PCYT2: variants seen among roughly 807,000 people sequenced by gnomAD.
PCYT2 encodes the protein ethanolamine-phosphate cytidylyltransferase.
PCYT2 carries 33 observed loss-of-function variants against 50.0 expected under a neutral mutation model. The ratio of observed to expected loss-of-function variants is 0.66; its 90% CI spans 0.50 to 0.88. PCYT2 has a LOEUF of 0.88. Among genes scored for constraint, PCYT2 ranks in the 40% least tolerant of loss-of-function variants. PCYT2 has a pLI of 0.00. For missense variants in PCYT2, 430 were observed against 519.7 expected, an observed-to-expected ratio of 0.83 and a Z score of 1.68; for synonymous variants, 240 against 203.7, an observed-to-expected ratio of 1.18 and a Z score of -1.52.
chr17:81,905,256 T>C, intron 11 of PCYT2, 102 bp from the exon 12 acceptor site: 3 of 1,319,260 alleles, frequency 2.3e-6, no homozygotes, highest in Non-Finnish European at 3.2e-6. Flanking sequence ...CAGGGTCCCA[T>C]GGGAGTGGTG....
chr17:81,909,844 T>G (rs1266023686), intron 1 of PCYT2, among the ~76,000 whole-genome samples: 1 of 152,138 alleles, frequency 6.6e-6, no homozygotes, highest in Non-Finnish European at 1.5e-5. Flanking sequence ...GGGGCAGAGA[T>G]GTCAAGGCCT....
chr17:81,904,738 G>A lies in PCYT2; in HGVS notation c.*95C>T. The A allele has an allele frequency of 1.3e-6, 1 of 791,268 alleles. No homozygotes were observed. Among genetic ancestry groups the A allele is most frequent in the Non-Finnish European group, 2.0e-6 (1 of 503,100 alleles). The allele number at this position is 791,268 out of a possible 1,614,324, so 49.0% of individuals were successfully genotyped here. A position where few individuals can be genotyped will look rare whatever the true frequency, so the allele number is the denominator to read the frequency against. On this transcript the variant is annotated 3_prime_UTR_variant, in exon 13 of 13. Coordinates refer to ENST00000538936, the MANE Select transcript of PCYT2 (RefSeq NM_002861.5). ...TCCTCACCAGCCCTTCCAGAGCCAG[G>A]CCAGTTAGAGAGGGCGGCCCTGCAG...
intron 3 of PCYT2, 106 bp downstream of exon 3, chr17:81,908,770 G>T: frequency 2.2e-6 from 3 of 1,354,104 alleles, no homozygotes; most frequent in Non-Finnish European, 3.1e-6. Context: ...AAATGTCTCA[G>T]ATCCTCAAAG....
Position 81,902,362 on chromosome 17 carries a change from G to A in PCYT2, c.*2471C>T. The A allele has an allele frequency of 3.7e-6, 5 of 1,347,120 alleles. No individual in the cohort carries two copies. Among genetic ancestry groups the A allele is most frequent in the Non-Finnish European group, 4.7e-6 (5 of 1,059,400 alleles). 83.4% of individuals were successfully genotyped at this position (1,347,120 alleles called of 1,614,324 possible). A position where few individuals can be genotyped will look rare whatever the true frequency, so the allele number is the denominator to read the frequency against. On this transcript the variant is annotated 3_prime_UTR_variant, in exon 13 of 13. Transcript: ENST00000538936. Reference sequence around the variant, plus strand: ...GCCTGGCCTCGCGTGGTACAAGCCAGCGGCGGGGCACAGCTCCTACTCGGT... The same window carrying A: ...GCCTGGCCTCGCGTGGTACAAGCCAACGGCGGGGCACAGCTCCTACTCGGT...
rs752108362 is a variant in PCYT2 at position 81,902,777 on chromosome 17, G to T, written c.*2056C>A. 1 of 1,575,312 alleles carries T rather than the reference G, an allele frequency of 6.3e-7. No individual in the cohort carries two copies. The highest frequency in any genetic ancestry group is 8.6e-7 in the Non-Finnish European group (1 of 1,164,028). On this transcript the variant is annotated 3_prime_UTR_variant, in exon 13 of 13. Coordinates refer to ENST00000538936, the MANE Select transcript of PCYT2 (RefSeq NM_002861.5). ...CGGACCTCTCCTGGCACCGCTGGGGGCCCCCCGCCCCCACCGTCCCACTCG... is the reference window on the plus strand; with the variant it reads ...CGGACCTCTCCTGGCACCGCTGGGGTCCCCCCGCCCCCACCGTCCCACTCG...
Position 81,903,126 on chromosome 17 carries a change from G to T in PCYT2, c.*1707C>A, listed in dbSNP as rs554769324. 4.1e-6 allele frequency: 1 copy of T among 244,422 alleles called. No individual in the cohort carries two copies. Among genetic ancestry groups the T allele is most frequent in the African/African-American group, 2.2e-5 (1 of 44,742 alleles). The allele number at this position is 244,422 out of a possible 1,614,324, so 15.1% of individuals were successfully genotyped here. The stretch of plus-strand genomic sequence containing the variant: ...CTCCCTGGGGGAAGTGCAGGGCCAC[G>T]GCTGGCCCGGTTCCCAGTGTCCTCC... On this transcript the variant is annotated 3_prime_UTR_variant, in exon 13 of 13. Transcript: ENST00000538936.
At position 81,911,182 on chromosome 17, in the gene PCYT2, C is replaced by A. The variant is rs561550261; in HGVS notation, c.89+85G>T. ...CGAGGACGCCACCCAGAACGCGGGC[C>A]CGGTCCCCGGGCAACGGCTGGCGCG... On this transcript the variant is annotated intron_variant, in intron 1 of 12. Transcript: ENST00000538936. 8.4e-3 allele frequency: 8,542 copies of A among 1,014,172 alleles called. 62 individuals are homozygous for A. The highest frequency in any genetic ancestry group is 8.7e-3 in the Admixed American group (150 of 17,170). 62.8% of individuals were successfully genotyped at this position (1,014,172 alleles called of 1,614,324 possible). A position where few individuals can be genotyped will look rare whatever the true frequency, so the allele number is the denominator to read the frequency against.
chr17:81,908,778 AAGGGCGG>A (rs986718170), intron 3 of PCYT2, 91 bp downstream of exon 3: 18 of 1,375,594 alleles, frequency 1.3e-5, no homozygotes, highest in Non-Finnish European at 1.5e-5. Context: ...CAGATCCTCA[AAGGGCGG>A]AGGCCCCCTG....
intron 9 of PCYT2, 137 bp from the exon 10 acceptor site, chr17:81,905,872 A>G (rs2040236822): frequency 1.1e-6 from 1 of 926,018 alleles, no homozygotes; most frequent in South Asian, 1.3e-5. Flanking sequence ...CAGGCTGGGG[A>G]CCCCTGGGGC....
Position 81,907,765 on chromosome 17 carries a change from C to T in PCYT2, c.492+8G>A, listed in dbSNP as rs768725336. 10 of 1,612,774 alleles carry T rather than the reference C, an allele frequency of 6.2e-6. No homozygotes were observed. The highest frequency in any genetic ancestry group is 8.5e-6 in the Non-Finnish European group (10 of 1,179,806). ...CCAGGGGCCTCGGGGATTCCGCCGC[C>T]GACTCACCTGGCTGCTGTGATGGGC... On this transcript the variant is annotated splice_region_variant and intron_variant, in intron 5 of 12. Coordinates refer to ENST00000538936, the MANE Select transcript of PCYT2 (RefSeq NM_002861.5).
chr17:81,904,422 C>A lies in PCYT2; in HGVS notation c.*411G>T, dbSNP rs2040124109. 5.5e-6 allele frequency: 1 copy of A among 180,938 alleles called. No individual in the cohort carries two copies. Among genetic ancestry groups the A allele is most frequent in the African/African-American group, 2.4e-5 (1 of 42,396 alleles). The allele number at this position is 180,938 out of a possible 1,614,324, so 11.2% of individuals were successfully genotyped here. Reference sequence around the variant, plus strand: ...CCAGTGGGAGGTGGTGTGGTCTACACCCAGAGAACTAAAGGGGTGACCGCA... The same window carrying A: ...CCAGTGGGAGGTGGTGTGGTCTACAACCAGAGAACTAAAGGGGTGACCGCA... On this transcript the variant is annotated 3_prime_UTR_variant, in exon 13 of 13. Transcript: ENST00000538936.
rs933218162 is a variant in PCYT2 at position 81,907,557 on chromosome 17, G to A, written c.534C>T (p.Gly178=). 2 of 1,609,788 alleles carry A rather than the reference G, an allele frequency of 1.2e-6. No individual in the cohort carries two copies. Among genetic ancestry groups the A allele is most frequent in the African/African-American group, 1.3e-5 (1 of 74,920 alleles). ...SEYREYADSF[G]KCPGGRNPWT... Reference sequence around the variant, plus strand: ...CTCCCTGCACAGCCGCACTCACCTTGCCAAAACTGTCTGCATACTCCCGGT... The same window carrying A: ...CTCCCTGCACAGCCGCACTCACCTTACCAAAACTGTCTGCATACTCCCGGT... The change falls in exon 6 of 13, where the codon GGC becomes GGT. Residue 178 remains glycine, a synonymous_variant. Transcript: ENST00000538936.
At position 81,911,269 on chromosome 17, in the gene PCYT2, G is replaced by A. The variant is rs2040591729; in HGVS notation, c.87C>T (p.Gly29=). The change falls in exon 1 of 13, where the codon GGC becomes GGT. Residue 29 remains glycine, a splice_region_variant and synonymous_variant. Coordinates refer to ENST00000538936, the MANE Select transcript of PCYT2 (RefSeq NM_002861.5). ...GRRAVRVWCD[G]CYDMVHYGHS... is the part of the protein sequence containing the mutation. ...GCCCGCCCCGGCCCCGCGCTCACCA[G>A]CCATCGCACCACACCCTCACGGCGC... 2.8e-6 allele frequency: 3 copies of A among 1,084,684 alleles called. No homozygotes were observed. Among genetic ancestry groups the A allele is most frequent in the Admixed American group, 4.4e-5 (1 of 22,658 alleles). 67.2% of individuals were successfully genotyped at this position (1,084,684 alleles called of 1,614,324 possible).
rs552819228 is a variant in PCYT2 at position 81,911,028 on chromosome 17, G to T, written c.89+239C>A. On this transcript the variant is annotated intron_variant, in intron 1 of 12. Transcript: ENST00000538936. ...CTCAGCGCGGTGGCTGCACCGGAGAGGTCGGCGTGACCGGGCGGGGCCTCC... is the reference window on the plus strand; with the variant it reads ...CTCAGCGCGGTGGCTGCACCGGAGATGTCGGCGTGACCGGGCGGGGCCTCC... 1.5e-4 allele frequency: 149 copies of T among 998,228 alleles called. 2 individuals carry two copies. The South Asian group carries it at 5.5e-3, about 37-fold the overall frequency. The allele number at this position is 998,228 out of a possible 1,614,324, so 61.8% of individuals were successfully genotyped here. A position where few individuals can be genotyped will look rare whatever the true frequency, so the allele number is the denominator to read the frequency against.
At chr17:81,909,630 C>G (rs747746940) in intron 1 of PCYT2, 28 bp from the exon 2 acceptor site, 2 of 1,581,344 alleles carry the variant, frequency 1.3e-6, no homozygotes, top group Non-Finnish European at 1.7e-6. Flanking sequence ...GTGGGTGGTC[C>G]CTGTGCCAAG....
In PCYT2 at chr17:81,908,562, A is replaced by G. The variant is rs758431364; in HGVS notation, c.407+6T>C. The G allele has an allele frequency of 1.2e-6, 2 of 1,609,584 alleles. No homozygotes were observed. Among genetic ancestry groups the G allele is most frequent in the Middle Eastern group, 1.7e-4 (1 of 6,050 alleles). On this transcript the variant is annotated splice_donor_region_variant and intron_variant, in intron 4 of 12. Coordinates refer to ENST00000538936, the MANE Select transcript of PCYT2 (RefSeq NM_002861.5). ...CTGGATGGCCAGGCCCGCGGTGGAG[A>G]CTCACCTGTACCTCCCAGCCTGCTT... is the stretch of plus-strand genomic sequence containing the variant.
chr17:81,909,749 G>A (rs960038154), intron 1 of PCYT2, 147 bp from the exon 2 acceptor site: 25 of 640,134 alleles, frequency 3.9e-5, no homozygotes, highest in African/African-American at 2.3e-4. Context: ...ACTGGGATTC[G>A]GAGGATGTAG....
At chr17:81,909,975 C>T (rs1042809294) in intron 1 of PCYT2, among the ~76,000 whole-genome samples, 4 of 152,296 alleles carry the variant, frequency 2.6e-5, no homozygotes, top group South Asian at 2.1e-4. Context: ...TAAAATAAGC[C>T]GATGTTAACT....
At position 81,902,091 on chromosome 17, in the gene PCYT2, G is replaced by T; in HGVS notation, c.*2742C>A. On this transcript the variant is annotated 3_prime_UTR_variant, in exon 13 of 13. Transcript: ENST00000538936. ...TTGCGCGCCTCCAGCGCTCGCCCGCGCGGCTGGTTCCTTTGGGATGCGGAG... is the reference window on the plus strand; with the variant it reads ...TTGCGCGCCTCCAGCGCTCGCCCGCTCGGCTGGTTCCTTTGGGATGCGGAG... 2.5e-6 allele frequency: 1 copy of T among 400,750 alleles called. No homozygotes were observed. The highest frequency in any genetic ancestry group is 3.9e-6 in the Non-Finnish European group (1 of 253,928). 24.8% of individuals were successfully genotyped at this position (400,750 alleles called of 1,614,324 possible). A position where few individuals can be genotyped will look rare whatever the true frequency, so the allele number is the denominator to read the frequency against.
Sources: gnomAD v4.1 joint callset for allele counts (sites outside exome capture counted in the v4.1 genomes callset) on GRCh38, gnomAD v4.1.1 for gene constraint, MANE v1.5 for transcripts, NCBI Gene and HGNC (gene_info 2026-07-23, HGNC 2026-07-21) for gene names.